HNRNPC: variants seen among roughly 807,000 people sequenced by gnomAD.
HNRNPC encodes the protein heterogeneous nuclear ribonucleoprotein C.
HNRNPC carries 3 observed loss-of-function variants against 33.2 expected under a neutral mutation model. The observed-to-expected ratio is 0.09, with a 90% CI of 0.04 to 0.23. The LOEUF (loss-of-function observed/expected upper bound fraction) is 0.23. Ranked by LOEUF, HNRNPC falls within the 10% of genes least tolerant of loss-of-function variation. The probability of loss-of-function intolerance (pLI) is 1.00; values close to 1 mark genes in which losing one functional copy is unlikely to be tolerated. For synonymous variants in HNRNPC, 121 were observed against 126.7 expected (o/e 0.96, Z 0.30); for missense variants, 143 against 366.7 (o/e 0.39, Z 4.98).
chr14:21,265,254 A>G (rs1445623847), intron 1 of HNRNPC: 3 of 152,246 alleles, frequency 2.0e-5, no homozygotes, highest in African/African-American at 7.2e-5. Context: ...AGTTATGGTG[A>G]AACATTTCAT....
chr14:21,211,562 C>T lies in HNRNPC; in HGVS notation c.642G>A (p.Glu214=), dbSNP rs1891603909. 3.7e-6 allele frequency: 6 copies of T among 1,607,642 alleles called. No individual in the cohort carries two copies. Among genetic ancestry groups the T allele is most frequent in the Non-Finnish European group, 4.2e-6 (5 of 1,176,686 alleles). ...IEKEQSKQAV[E]MKNDKSEEEQ... ...CCTCTTCTGACTTATCATTCTTCAT[C>T]TCTACTGCGGATGAGAAGGACAAGT... Residue 214 remains glutamate, a synonymous_variant, in exon 8 of 9, where the codon GAG becomes GAA. Transcript: ENST00000553300.
chr14:21,229,303 G>A (rs944430341), intron 5 of HNRNPC, among the ~76,000 whole-genome samples: 1 of 149,834 alleles, frequency 6.7e-6, no homozygotes, highest in Non-Finnish European at 1.5e-5. Context: ...GCCAGGAGGC[G>A]CAGCTTGCAG....
At chr14:21,226,029 C>T (rs1893382341) in intron 5 of HNRNPC, among the ~76,000 whole-genome samples, 1 of 151,916 alleles carries the variant, frequency 6.6e-6, no homozygotes. Context: ...AGAATAGTGC[C>T]AGGTTGGGCC....
At chr14:21,223,994 T>C (rs544073972) in intron 5 of HNRNPC, among the ~76,000 whole-genome samples, 6 of 152,286 alleles carry the variant, frequency 3.9e-5, no homozygotes, top group South Asian at 2.1e-4. Context: ...AGAAGTCTCC[T>C]GCTCTGTGAA....
At chr14:21,241,535 C>T (rs184791515) in intron 2 of HNRNPC, among the ~76,000 whole-genome samples, 1 of 152,292 alleles carries the variant, frequency 6.6e-6, no homozygotes, top group Admixed American at 6.5e-5. Context: ...AATTCCTCTG[C>T]ATACTTGGAT....
At chr14:21,248,127 C>T (rs1349330794) in intron 2 of HNRNPC, among the ~76,000 whole-genome samples, 1 of 152,014 alleles carries the variant, frequency 6.6e-6, no homozygotes, top group African/African-American at 2.4e-5. Flanking sequence ...TGCTTGAGCC[C>T]AGGAGTTAAG....
intron 3 of HNRNPC, among the ~76,000 whole-genome samples, chr14:21,233,136 T>C (rs1221142300): frequency 6.6e-6 from 1 of 152,190 alleles, no homozygotes; most frequent in Non-Finnish European, 1.5e-5. Context: ...CAATTCTGAC[T>C]TTGAAACCAT....
In HNRNPC at chr14:21,210,850, C is replaced by CA. The variant is rs1022840697; in HGVS notation, c.*372dup. The CA allele has an allele frequency of 1.4e-5, 3 of 216,000 alleles. No individual in the cohort carries two copies. Among genetic ancestry groups the CA allele is most frequent in the African/African-American group, 6.9e-5 (3 of 43,680 alleles). The allele number at this position is 216,000 out of a possible 1,614,324, so 13.4% of individuals were successfully genotyped here. ...ACTCAACTAAATGAGATTGCCTTTG[C>CA]AGTTAGGGAAGCAACTACTGAACTT... On this transcript the variant is annotated 3_prime_UTR_variant, in exon 9 of 9. Coordinates refer to ENST00000553300, the MANE Select transcript of HNRNPC (RefSeq NM_004500.4).
chr14:21,230,909 G>A, intron 4 of HNRNPC, 88 bp downstream of exon 4: 2 of 1,430,276 alleles, frequency 1.4e-6, no homozygotes, highest in Non-Finnish European at 2.0e-6. Flanking sequence ...AGAAAGAGAA[G>A]ATGCCCACTG....
intron 2 of HNRNPC, among the ~76,000 whole-genome samples, chr14:21,237,525 A>G (rs528190754): frequency 1.3e-5 from 2 of 152,326 alleles, no homozygotes; most frequent in Admixed American, 6.5e-5. Context: ...TTCATCTGCA[A>G]TATTTTGTCA....
rs1332562412 is a variant in HNRNPC at position 21,211,796 on chromosome 14, G to C, written c.637+14C>G. Reference sequence around the variant, plus strand: ...CCCAACTGTATACCAAGGGCAAGCAGAAAACCCATTTACCTGCTTGTTTGC... The same window carrying C: ...CCCAACTGTATACCAAGGGCAAGCACAAAACCCATTTACCTGCTTGTTTGC... On this transcript the variant is annotated intron_variant, in intron 7 of 8. Transcript: ENST00000553300. 2.5e-6 allele frequency: 4 copies of C among 1,602,268 alleles called. No homozygotes were observed. Among genetic ancestry groups the C allele is most frequent in the Non-Finnish European group, 3.4e-6 (4 of 1,170,894 alleles).
chr14:21,233,512 T>C (rs1471240040), intron 3 of HNRNPC, among the ~76,000 whole-genome samples: 5 of 152,170 alleles, frequency 3.3e-5, no homozygotes, highest in African/African-American at 1.2e-4. Flanking sequence ...AACCAAATCA[T>C]AGGTAGTAAG....
At chr14:21,265,810 A>G (rs1334850517) in intron 1 of HNRNPC, among the ~76,000 whole-genome samples, 3 of 152,182 alleles carry the variant, frequency 2.0e-5, no homozygotes, top group Non-Finnish European at 4.4e-5. Context: ...GCTCAGAGAT[A>G]GTTTTAGAAA....
At chr14:21,266,009 G>T (rs896714998) in intron 1 of HNRNPC, among the ~76,000 whole-genome samples, 6 of 152,182 alleles carry the variant, frequency 3.9e-5, no homozygotes, top group African/African-American at 1.4e-4. Context: ...ATAGCAATCT[G>T]TTTTAACTAG....
rs1399966807 is a variant in HNRNPC, at chr14:21,211,036, A to G, written c.*187T>C. On this transcript the variant is annotated 3_prime_UTR_variant, in exon 9 of 9. Transcript: ENST00000553300. Reference sequence around the variant, plus strand: ...ACTTAACAAAACTACTAGGAGCGTCAAAGGAAGTGAAAATGGGACTAGGCG... The same window carrying G: ...ACTTAACAAAACTACTAGGAGCGTCGAAGGAAGTGAAAATGGGACTAGGCG... 1 of 629,088 alleles carries G rather than the reference A, an allele frequency of 1.6e-6. No homozygotes were observed. The highest frequency in any genetic ancestry group is 2.8e-6 in the Non-Finnish European group (1 of 361,910). The allele number at this position is 629,088 out of a possible 1,614,324, so 39.0% of individuals were successfully genotyped here.
At chr14:21,251,032 C>A (rs755290129) in intron 2 of HNRNPC, among the ~76,000 whole-genome samples, 1 of 152,086 alleles carries the variant, frequency 6.6e-6, no homozygotes, top group African/African-American at 2.4e-5. Flanking sequence ...GAGGCCGAGG[C>A]GGGTAGATCA....
At chr14:21,237,216 A>T (rs1030859082) in intron 2 of HNRNPC, among the ~76,000 whole-genome samples, 1 of 152,192 alleles carries the variant, frequency 6.6e-6, no homozygotes. Flanking sequence ...CTCTCACCAA[A>T]AGGTAACAAC....
chr14:21,255,963 A>T (rs1045443248), intron 2 of HNRNPC, among the ~76,000 whole-genome samples: 3 of 152,218 alleles, frequency 2.0e-5, no homozygotes, highest in African/African-American at 4.8e-5. Context: ...AATTCCAAGG[A>T]AAAGCCCTAA....
At chr14:21,217,042 T>C (rs1892266291) in intron 5 of HNRNPC, among the ~76,000 whole-genome samples, 1 of 152,226 alleles carries the variant, frequency 6.6e-6, no homozygotes, top group East Asian at 1.9e-4. Context: ...AACAGTCCCA[T>C]GAACACAATT....
Sources: allele counts gnomAD v4.1 joint callset (sites outside exome capture counted in the v4.1 genomes callset), GRCh38; gene constraint gnomAD v4.1.1; transcripts MANE v1.5; gene names NCBI Gene and HGNC (gene_info 2026-07-23, HGNC 2026-07-21).